MICAL3: variants seen among roughly 807,000 people sequenced by gnomAD.
MICAL3 encodes the protein [F-actin]-monooxygenase MICAL3.
MICAL3 carries 62 observed loss-of-function variants against 207.4 expected under a neutral mutation model. The ratio of observed to expected loss-of-function variants is 0.30; its 90% CI spans 0.24 to 0.37. MICAL3 has a LOEUF of 0.37. Ranked by LOEUF, MICAL3 falls within the 10% of genes least tolerant of loss-of-function variation. The pLI is 1.00. For missense variants in MICAL3, 2,368 were observed against 2,635.6 expected, an observed-to-expected ratio of 0.90 and a Z score of 2.22; for synonymous variants, 1,077 against 1,069.3, an observed-to-expected ratio of 1.01 and a Z score of -0.14.
intron 19 of MICAL3, chr22:17,863,979 C>T: frequency 3.0e-6 from 3 of 985,498 alleles, no homozygotes; most frequent in Non-Finnish European, 3.6e-6. Flanking sequence ...GCCCTGCTGG[C>T]CCCCTCTTGC....
intron 1 of MICAL3, among the ~76,000 whole-genome samples, chr22:17,923,954 C>T (rs1932855255): frequency 6.6e-6 from 1 of 152,190 alleles, no homozygotes; most frequent in Admixed American, 6.5e-5. Context: ...AACTTATGAT[C>T]ATAGTGGAAG....
chr22:18,010,088 T>G (rs1923623692), intron 1 of MICAL3, among the ~76,000 whole-genome samples: 1 of 119,168 alleles, frequency 8.4e-6, no homozygotes, highest in African/African-American at 3.7e-5. Context: ...GGAAGTGGAA[T>G]AGCGGTAGAA....
chr22:18,005,882 A>G (rs1463401703), intron 1 of MICAL3: 1 of 152,148 alleles, frequency 6.6e-6, no homozygotes, highest in Admixed American at 6.6e-5. Context: ...GGCTGGGCTC[A>G]TTATTTCTTC....
intron 19 of MICAL3, chr22:17,861,000 C>T (rs1926462100): frequency 4.1e-6 from 4 of 984,728 alleles, no homozygotes; most frequent in Non-Finnish European, 4.8e-6. Flanking sequence ...TACATACAAA[C>T]GTGTACCTAT....
chr22:18,011,336 G>A lies in MICAL3; in HGVS notation c.-75+12945C>T, dbSNP rs193259751. 1.3e-3 allele frequency among the ~76,000 whole-genome samples: 201 copies of A among 149,138 alleles called. 1 individual carries two copies. The highest frequency in any genetic ancestry group is 2.8e-3 in the Admixed American group (42 of 15,110). On this transcript the variant is annotated intron_variant, in intron 1 of 31. Coordinates refer to ENST00000441493, the MANE Select transcript of MICAL3 (RefSeq NM_015241.3). ...CTAGGAAGGCGGATCACCTGAGGTC[G>A]GAGTTCGAGACCAGCCTGATCAACG... is the stretch of plus-strand genomic sequence containing the variant.
At chr22:17,910,359 C>T (rs1052684396) in intron 1 of MICAL3, among the ~76,000 whole-genome samples, 6 of 152,210 alleles carry the variant, frequency 3.9e-5, no homozygotes, top group African/African-American at 1.4e-4. Flanking sequence ...CTAACCGCCA[C>T]AAAGAATTTC....
chr22:17,893,811 T>C lies in MICAL3; in HGVS notation c.1543A>G (p.Asn515Asp). The change falls in exon 11 of 32, where the codon AAT becomes GAT. Residue 515 changes from asparagine (N) to aspartate (D), a missense_variant. Around this residue, in one of 4 missense-constraint regions of MICAL3, gnomAD observed 147 missense variants for 137.7 expected, o/e 1.07. Coordinates refer to ENST00000441493, the MANE Select transcript of MICAL3 (RefSeq NM_015241.3). ...AAAAGCCACCACCAGAACTCACCAT[T>C]GCGAGTCAATTTGGGGGTGGTTCGG... ...NSRTTPKLTR[N>D]ESVARSSKLL... The C allele has an allele frequency of 7.0e-6, 11 of 1,567,542 alleles. No homozygotes were observed. Among genetic ancestry groups the C allele is most frequent in the Admixed American group, 1.9e-5 (1 of 54,028 alleles).
At chr22:17,791,578 C>T in intron 29 of MICAL3, 1 of 514,288 alleles carries the variant, frequency 1.9e-6, no homozygotes, top group Non-Finnish European at 3.5e-6. Flanking sequence ...CCCTCCTGCT[C>T]TGTGTGCTCT....
chr22:17,916,158 C>G (rs930657834), intron 1 of MICAL3, among the ~76,000 whole-genome samples: 1 of 151,962 alleles, frequency 6.6e-6, no homozygotes, highest in Admixed American at 6.6e-5. Context: ...GTTTCTCCAC[C>G]TTCTCGGCAT....
At chr22:17,888,784 G>A (rs537190656) in intron 13 of MICAL3, among the ~76,000 whole-genome samples, 3 of 152,352 alleles carry the variant, frequency 2.0e-5, no homozygotes, top group African/African-American at 7.2e-5. Context: ...CACGGAAAAA[G>A]ACGGCACAGG....
rs1243263427 is a variant in MICAL3, at chr22:17,900,549, C to T, written c.847+293G>A. 6.6e-6 allele frequency among the ~76,000 whole-genome samples: 1 copy of T among 152,170 alleles called. No homozygotes were observed. Among genetic ancestry groups the T allele is most frequent in the African/African-American group, 2.4e-5 (1 of 41,446 alleles). On this transcript the variant is annotated intron_variant, in intron 6 of 31. Transcript: ENST00000441493. This position sits in a 1 kb window ranked among gnomAD's most constrained non-coding sequence, Gnocchi z 4.0. ...CCCAGGAGTTCGAGGCTGCAGTGAG[C>T]CGAGATCACGCCACTGAACTCCAGC...
intron 1 of MICAL3, among the ~76,000 whole-genome samples, chr22:18,012,662 C>T (rs1162787288): frequency 6.6e-6 from 1 of 152,240 alleles, no homozygotes; most frequent in Non-Finnish European, 1.5e-5. Flanking sequence ...ATTTGCTGCT[C>T]AAATACCATC....
rs768655057 is a variant in MICAL3, at chr22:17,817,404, TCTTCTTGTC to T, written c.5248_5256del (p.Asp1750_Lys1752del). ...GGGCAGGACTTGTCGTCGGCCTTCT[TCTTCTTGTC>T]CTTCTTGTACCCGGAGAAGACGGAC... On this transcript the variant is annotated inframe_deletion, in exon 26 of 32. Transcript: ENST00000441493. 4 of 1,613,328 alleles carry T rather than the reference TCTTCTTGTC, an allele frequency of 2.5e-6. No individual in the cohort carries two copies. In the South Asian group the frequency reaches 3.3e-5, roughly 13 times the overall value.
At chr22:17,960,977 G>C (rs1253120496) in intron 1 of MICAL3, among the ~76,000 whole-genome samples, 2 of 152,092 alleles carry the variant, frequency 1.3e-5, no homozygotes, top group Non-Finnish European at 2.9e-5. Context: ...CTTTGGCATT[G>C]ACTGGGGTGC....
rs2061802542 is a variant in MICAL3 at position 17,788,407 on chromosome 22, CCTAGGCCACA to C, written c.*2315_*2324del. On this transcript the variant is annotated 3_prime_UTR_variant, in exon 32 of 32. Coordinates refer to ENST00000441493, the MANE Select transcript of MICAL3 (RefSeq NM_015241.3). Reference sequence around the variant, plus strand: ...TACGTCTGGCCACTTACAGCAGATCCCTAGGCCACACTCCTTCCAAGCCACTTTGCAAACT... The same window carrying C: ...TACGTCTGGCCACTTACAGCAGATCCCTCCTTCCAAGCCACTTTGCAAACT... 1 of 152,320 alleles carries C rather than the reference CCTAGGCCACA, an allele frequency of 6.6e-6. No individual in the cohort carries two copies. The highest frequency in any genetic ancestry group is 1.5e-5 in the Non-Finnish European group (1 of 68,108). The allele number at this position is 152,320 out of a possible 1,614,324, so 9.4% of individuals were successfully genotyped here.
At chr22:17,862,606 C>T (rs947219073) in intron 19 of MICAL3, 1 of 985,238 alleles carries the variant, frequency 1.0e-6, no homozygotes, top group Admixed American at 6.2e-5. Flanking sequence ...CTAGTTAAGT[C>T]CTCAAAGCTT....
intron 1 of MICAL3, among the ~76,000 whole-genome samples, chr22:17,923,657 G>C (rs1415840003): frequency 1.3e-5 from 2 of 152,222 alleles, no homozygotes; most frequent in Admixed American, 6.5e-5. Flanking sequence ...ACAGGCACAG[G>C]ACTACTGTTC....
At chr22:17,792,693 G>A (rs944464250) in intron 29 of MICAL3, among the ~76,000 whole-genome samples, 5 of 152,224 alleles carry the variant, frequency 3.3e-5, no homozygotes, top group African/African-American at 1.2e-4. Context: ...AACAAGCAGG[G>A]GTTAGTGTCT....
At chr22:17,834,239 C>T (rs1412421811) in intron 20 of MICAL3, 6 of 1,088,130 alleles carry the variant, frequency 5.5e-6, no homozygotes, top group Non-Finnish European at 6.7e-6. Context: ...TTCATTCATT[C>T]ACTCGGTGAA....
Sources: allele counts gnomAD v4.1 joint callset (sites outside exome capture counted in the v4.1 genomes callset), GRCh38; gene constraint gnomAD v4.1.1; regional missense constraint gnomAD v4.1.1; non-coding constraint Gnocchi (gnomAD v3.1); transcripts MANE v1.5; gene names NCBI Gene and HGNC (gene_info 2026-07-23, HGNC 2026-07-21).